ALMS1: variants seen among roughly 807,000 people sequenced by gnomAD.
ALMS1 encodes ALMS1 centrosome and basal body associated protein, also known as centrosome-associated protein ALMS1.
In ALMS1, 271 loss-of-function variants were observed where a neutral mutation model predicts 352.2. The observed-to-expected ratio is 0.77, with a 90% CI of 0.70 to 0.85. The LOEUF (loss-of-function observed/expected upper bound fraction) is 0.85. ALMS1 is among the 40% of genes least tolerant of loss of function. The pLI is 0.00. For missense variants in ALMS1, 5,445 were observed against 4,870.7 expected (o/e 1.12, Z -3.51); for synonymous variants, 1,865 against 1,761.2 (o/e 1.06, Z -1.48).
chr2:73,398,545 A>G (rs184118037), intron 1 of ALMS1, among the ~76,000 whole-genome samples: 175 of 152,328 alleles, frequency 1.1e-3, no homozygotes, highest in African/African-American at 4.1e-3. Flanking sequence ...AAGAACTGAC[A>G]TCTTGACAAT....
rs903152976 is a variant in ALMS1, at chr2:73,551,636, A to T, written c.10078+1199A>T. Among the ~76,000 whole-genome samples, 4 of 151,556 alleles carry T rather than the reference A, an allele frequency of 2.6e-5. No individual in the cohort carries two copies. The South Asian group carries it at 8.3e-4, about 32-fold the overall frequency. On this transcript the variant is annotated intron_variant, in intron 13 of 22. Transcript: ENST00000613296. ...TTTTTAGTAGAGGTGGGGTTTCACC[A>T]TGTTGGCCAGGCTGGTCTTGAACTC... is the stretch of plus-strand genomic sequence containing the variant.
In ALMS1 at chr2:73,572,396, A is replaced by G. The variant is rs1350031802; in HGVS notation, c.10519A>G (p.Met3507Val). 24 of 1,611,534 alleles carry G rather than the reference A, an allele frequency of 1.5e-5. No individual in the cohort carries two copies. The highest frequency in any genetic ancestry group is 2.0e-5 in the Non-Finnish European group (24 of 1,179,206). ...CHESLGKSVFMRHSWKDFFQH... is the reference protein window; with the variant it reads ...CHESLGKSVFVRHSWKDFFQH... The stretch of plus-strand genomic sequence containing the variant: ...TGAATCTTTGGGAAAGAGTGTTTTC[A>G]TGAGACATTCTTGGAAAGATTTCTT... The change falls in exon 16 of 23, where the codon ATG becomes GTG. Residue 3507 changes from methionine to valine, a missense_variant. By Grantham distance (21) the Met-to-Val change is conservative (BLOSUM62 1). Coordinates refer to ENST00000613296, the MANE Select transcript of ALMS1 (RefSeq NM_001378454.1).
intron 17 of ALMS1, 121 bp downstream of exon 17, chr2:73,599,642 T>A (rs1034254316): frequency 1.6e-4 from 192 of 1,217,332 alleles, no homozygotes; most frequent in Non-Finnish European, 1.5e-4. Context: ...AACTGCCAAT[T>A]TTCATCTTGT....
chr2:73,448,649 A>G lies in ALMS1; in HGVS notation c.2122A>G (p.Thr708Ala), dbSNP rs571389435. 205 of 1,613,378 alleles carry G rather than the reference A, an allele frequency of 1.3e-4. 1 individual carries two copies. The South Asian group carries it at 2.1e-3, about 17-fold the overall frequency. ...TGGACCAGCTGACCAGAAGACTGGG[A>G]CAGCAACAGTACTCTCTACTCCCCA... The part of the protein sequence containing the change: ...VSGPADQKTG[T>A]ATVLSTPHSH... The change falls in exon 8 of 23, where the codon ACA becomes GCA. Residue 708 changes from threonine to alanine, a missense_variant. Coordinates refer to ENST00000613296, the MANE Select transcript of ALMS1 (RefSeq NM_001378454.1).
At chr2:73,607,753 C>T (rs1415807891) in intron 21 of ALMS1, among the ~76,000 whole-genome samples, 1 of 151,954 alleles carries the variant, frequency 6.6e-6, no homozygotes, top group Non-Finnish European at 1.5e-5. Context: ...AAGCGATTCT[C>T]CTGCCTCAGC....
At chr2:73,598,915 TTGCAATGCTC>T (rs1675610654) in intron 16 of ALMS1, among the ~76,000 whole-genome samples, 1 of 152,172 alleles carries the variant, frequency 6.6e-6, no homozygotes, top group Non-Finnish European at 1.5e-5. Context: ...CTAATACTTT[TTGCAATGCTC>T]TACTCATCAG....
chr2:73,534,824 G>T lies in ALMS1; in HGVS notation c.9782G>T (p.Gly3261Val). 3 of 1,613,080 alleles carry T rather than the reference G, an allele frequency of 1.9e-6. No individual in the cohort carries two copies. Among genetic ancestry groups the T allele is most frequent in the Non-Finnish European group, 2.5e-6 (3 of 1,179,322 alleles). ...QQVTFSRGTD[G>V]QPLLLPYKPS... Reference sequence around the variant, plus strand: ...ATTGTTCTGATTTTTACCTCCTTAGGCCAGCCTTTATTATTGCCATATAAG... The same window carrying T: ...ATTGTTCTGATTTTTACCTCCTTAGTCCAGCCTTTATTATTGCCATATAAG... Residue 3261 changes from glycine (G) to valine (V), a missense_variant and splice_region_variant, in exon 12 of 23, where the codon GGC becomes GTC. By Grantham distance (109) the Gly-to-Val change is moderately radical. Coordinates refer to ENST00000613296, the MANE Select transcript of ALMS1 (RefSeq NM_001378454.1).
In ALMS1 at chr2:73,490,801, C is replaced by T. The variant is rs1171275378; in HGVS notation, c.8842C>T (p.Pro2948Ser). Residue 2948 changes from proline to serine, a missense_variant, in exon 10 of 23, where the codon CCC becomes TCC. Pro to Ser is a moderately conservative substitution (Grantham distance 74, BLOSUM62 -1). Coordinates refer to ENST00000613296, the MANE Select transcript of ALMS1 (RefSeq NM_001378454.1). ...TCATCAAATGAGAGAAAACCATTCT[C>T]CCCTTCCTCAAGGTCAGGATTCTAT... is the stretch of plus-strand genomic sequence containing the variant. ...VDHQMRENHS[P>S]LPQGQDSIAS... 6.2e-7 allele frequency: 1 copy of T among 1,613,924 alleles called. No homozygotes were observed. The highest frequency in any genetic ancestry group is 8.5e-7 in the Non-Finnish European group (1 of 1,180,028).
chr2:73,607,440 A>T (rs1428698691), intron 21 of ALMS1, among the ~76,000 whole-genome samples: 1 of 152,076 alleles, frequency 6.6e-6, no homozygotes, highest in Non-Finnish European at 1.5e-5. Context: ...GCTAGAACAG[A>T]TCCCATGTTT....
At chr2:73,479,153 A>T (rs1438071876) in intron 9 of ALMS1, among the ~76,000 whole-genome samples, 1 of 152,162 alleles carries the variant, frequency 6.6e-6, no homozygotes, top group Non-Finnish European at 1.5e-5. Flanking sequence ...ATTTTTTTTA[A>T]GTCAACATTT....
chr2:73,511,003 A>G (rs1673440078), intron 10 of ALMS1, among the ~76,000 whole-genome samples: 1 of 152,146 alleles, frequency 6.6e-6, no homozygotes, highest in Non-Finnish European at 1.5e-5. Flanking sequence ...AAAACTGCCT[A>G]CTCAAGCCTC....
At chr2:73,586,525 TTTG>T (rs1675317270) in intron 16 of ALMS1, among the ~76,000 whole-genome samples, 1 of 152,180 alleles carries the variant, frequency 6.6e-6, no homozygotes, top group Non-Finnish European at 1.5e-5. Flanking sequence ...ACTTTATATT[TTTG>T]TTTGCTTTGT....
intron 15 of ALMS1, among the ~76,000 whole-genome samples, chr2:73,568,913 A>C (rs985228166): frequency 2.8e-5 from 4 of 145,090 alleles, no homozygotes; most frequent in African/African-American, 1.0e-4. Context: ...GTGCCATGAG[A>C]TGATGGTGAT....
rs765908556 is a variant in ALMS1 at position 73,490,722 on chromosome 2, C to G, written c.8763C>G (p.Cys2921Trp). ...ATGTAGCTCCAGACCTTCCTTCTTGCATTTTTCTTGAACAACGAGAACTCT... is the reference window on the plus strand; with the variant it reads ...ATGTAGCTCCAGACCTTCCTTCTTGGATTTTTCTTGAACAACGAGAACTCT... ...QDYVAPDLPS[C>W]IFLEQRELFE... Residue 2921 changes from cysteine (C) to tryptophan (W), a missense_variant, in exon 10 of 23, where the codon TGC becomes TGG. Transcript: ENST00000613296. The G allele has an allele frequency of 2.5e-6, 4 of 1,614,178 alleles. No individual in the cohort carries two copies. Among genetic ancestry groups the G allele is most frequent in the East Asian group, 2.2e-5 (1 of 44,878 alleles).
chr2:73,534,319 C>A (rs10199224), intron 11 of ALMS1, among the ~76,000 whole-genome samples: 3 of 151,864 alleles, frequency 2.0e-5, no homozygotes, highest in Non-Finnish European at 2.9e-5. Context: ...TTTTGAAGCC[C>A]TGTCACATAG....
At chr2:73,437,430 T>A (rs539704965) in intron 7 of ALMS1, among the ~76,000 whole-genome samples, 29 of 152,306 alleles carry the variant, frequency 1.9e-4, no homozygotes, top group Non-Finnish European at 4.1e-4. Context: ...CAGGTTGGGA[T>A]AAATCTTCCA....
rs553507775 is a variant in ALMS1, at chr2:73,491,419, A to T, written c.9460A>T (p.Thr3154Ser). 1.6e-4 allele frequency: 265 copies of T among 1,614,092 alleles called. No homozygotes were observed. Among genetic ancestry groups the T allele is most frequent in the South Asian group, 1.2e-3 (108 of 91,082 alleles). ...ACCTTCTCAGAATAGCCAGATAGTA[A>T]CCTCCAGGCAAATACAAGTGAACAT... ...TIPSQNSQIV[T>S]SRQIQVNISD... Residue 3154 changes from threonine (T) to serine (S), a missense_variant, in exon 10 of 23, where the codon ACC becomes TCC. Thr to Ser is a moderately conservative substitution (Grantham distance 58, BLOSUM62 1). Coordinates refer to ENST00000613296, the MANE Select transcript of ALMS1 (RefSeq NM_001378454.1).
At chr2:73,571,951 C>T (rs1185752611) in intron 15 of ALMS1, among the ~76,000 whole-genome samples, 1 of 152,044 alleles carries the variant, frequency 6.6e-6, no homozygotes, top group African/African-American at 2.4e-5. Context: ...ACACCCTACA[C>T]AGAACAGGTG....
intron 10 of ALMS1, among the ~76,000 whole-genome samples, chr2:73,493,751 A>G (rs1673041230): frequency 6.6e-6 from 1 of 152,198 alleles, no homozygotes; most frequent in African/African-American, 2.4e-5. Context: ...ATGTATGTAT[A>G]AAATATTTAT....
Sources: gnomAD v4.1 joint callset for allele counts (sites outside exome capture counted in the v4.1 genomes callset) on GRCh38, gnomAD v4.1.1 for gene constraint, MANE v1.5 for transcripts, NCBI Gene and HGNC (gene_info 2026-07-23, HGNC 2026-07-21) for gene names.